STRN3: variants seen among roughly 807,000 people sequenced by gnomAD.
STRN3 encodes the protein striatin-3.
STRN3 carries 29 observed loss-of-function variants against 95.6 expected under a neutral mutation model. The ratio of observed to expected loss-of-function variants is 0.30; its 90% CI spans 0.23 to 0.41. The LOEUF is 0.41. Among genes scored for constraint, STRN3 ranks in the 10% least tolerant of loss-of-function variants. The pLI, the probability that STRN3 is intolerant of heterozygous loss-of-function variation, is 1.00. For missense variants in STRN3, 890 were observed against 972.1 expected, an observed-to-expected ratio of 0.92 and a Z score of 1.12; for synonymous variants, 331 against 357.6, an observed-to-expected ratio of 0.93 and a Z score of 0.84.
intron 9 of STRN3, 109 bp downstream of exon 9, chr14:30,918,857 A>T: frequency 8.8e-7 from 1 of 1,141,938 alleles, no homozygotes; most frequent in Non-Finnish European, 1.2e-6. Flanking sequence ...TCTAAAGATC[A>T]TATAAAATGA....
chr14:30,936,396 G>A, intron 6 of STRN3, 99 bp downstream of exon 6: 1 of 1,318,900 alleles, frequency 7.6e-7, no homozygotes, highest in Non-Finnish European at 1.0e-6. Flanking sequence ...GTAAAGTAAA[G>A]ATGATCAATC....
At chr14:30,898,763 T>G (rs1023380762) in intron 16 of STRN3, among the ~76,000 whole-genome samples, 3 of 152,214 alleles carry the variant, frequency 2.0e-5, no homozygotes, top group Non-Finnish European at 4.4e-5. Context: ...AATTTTTTCC[T>G]CTTATGACTA....
At chr14:30,923,112 C>T (rs1344875819) in intron 8 of STRN3, among the ~76,000 whole-genome samples, 3 of 152,076 alleles carry the variant, frequency 2.0e-5, no homozygotes, top group East Asian at 1.9e-4. Context: ...ATGTGCTAAA[C>T]GGAAGTAGCT....
intron 5 of STRN3, among the ~76,000 whole-genome samples, chr14:30,937,170 T>C (rs2139078920): frequency 6.6e-6 from 1 of 151,896 alleles, no homozygotes; most frequent in African/African-American, 2.4e-5. Context: ...AAAAATTACC[T>C]GGGTATGGTG....
chr14:30,905,508 T>A lies in STRN3; in HGVS notation c.1939A>T (p.Met647Leu), dbSNP rs761101058. 5.6e-6 allele frequency: 9 copies of A among 1,609,598 alleles called. No homozygotes were observed. Among genetic ancestry groups the A allele is most frequent in the Non-Finnish European group, 7.6e-6 (9 of 1,178,262 alleles). Residue 647 changes from methionine to leucine, a missense_variant, in exon 15 of 18, where the codon ATG (methionine) becomes TTG (leucine). Transcript: ENST00000357479. ...CTACCAGTGTTGAAAGAGGTTACCA[T>A]ATGAGCTGGATCACAGCCTATAAAG... The part of the protein sequence containing the change: ...VDFIGCDPAH[M>L]VTSFNTGSAV...
intron 16 of STRN3, among the ~76,000 whole-genome samples, chr14:30,897,659 TAA>T (rs540040615): frequency 1.3e-5 from 2 of 152,136 alleles, no homozygotes; most frequent in South Asian, 2.1e-4. Flanking sequence ...TTAAAAAAAT[TAA>T]AGTCAAAAAT....
chr14:31,012,037 G>A (rs1258179289), intron 1 of STRN3, among the ~76,000 whole-genome samples: 20 of 151,796 alleles, frequency 1.3e-4, no homozygotes, highest in African/African-American at 2.4e-4. Flanking sequence ...AGCCGAGATC[G>A]CGCAACTGCG....
rs1883838598 is a variant in STRN3 at position 31,025,833 on chromosome 14, A to G, written c.282+71T>C. 10 of 1,539,478 alleles carry G rather than the reference A, an allele frequency of 6.5e-6. No individual in the cohort carries two copies. In the South Asian group the frequency reaches 1.2e-4, roughly 18 times the overall value. ...CAAGGCGCCGGCTCCGGCTGAGTGG[A>G]GTCCCCAGCCCCACCCCCCGGCCGG... On this transcript the variant is annotated intron_variant, in intron 1 of 17. Transcript: ENST00000357479.
chr14:30,914,621 G>T (rs1347275730), intron 9 of STRN3, among the ~76,000 whole-genome samples: 2 of 151,982 alleles, frequency 1.3e-5, no homozygotes, highest in Admixed American at 6.6e-5. Flanking sequence ...CAAAGTGCTG[G>T]GATTACAGGC....
At chr14:31,025,584 G>C in intron 1 of STRN3, 2 of 432,782 alleles carry the variant, frequency 4.6e-6, no homozygotes, top group Non-Finnish European at 4.3e-6. Context: ...CCACAGAGAG[G>C]TGCTCGGTCC....
At chr14:30,935,059 A>T in intron 7 of STRN3, 104 bp downstream of exon 7, 2 of 1,424,984 alleles carry the variant, frequency 1.4e-6, no homozygotes, top group Non-Finnish European at 9.4e-7. Flanking sequence ...TCTCCGTTTA[A>T]CTGCCACCAT....
intron 1 of STRN3, among the ~76,000 whole-genome samples, chr14:30,999,298 C>T (rs1295904342): frequency 3.3e-5 from 5 of 152,152 alleles, no homozygotes; most frequent in Non-Finnish European, 7.3e-5. Context: ...CCTCCCACCT[C>T]GGCCTCCCGA....
intron 8 of STRN3, among the ~76,000 whole-genome samples, chr14:30,928,826 C>T (rs1167354504): frequency 2.6e-5 from 4 of 152,092 alleles, no homozygotes; most frequent in African/African-American, 9.7e-5. Context: ...GAAATGTAAC[C>T]TGGATATGAG....
At chr14:31,013,782 G>A (rs180891769) in intron 1 of STRN3, among the ~76,000 whole-genome samples, 2 of 151,026 alleles carry the variant, frequency 1.3e-5, no homozygotes, top group African/African-American at 4.9e-5. Flanking sequence ...GTAGAAACGG[G>A]GGGGGTCTCA....
chr14:30,964,974 T>G (rs892372578), intron 1 of STRN3, among the ~76,000 whole-genome samples: 1 of 152,146 alleles, frequency 6.6e-6, no homozygotes, highest in African/African-American at 2.4e-5. Context: ...TCTTGGTCTT[T>G]GTCTTGTTGC....
chr14:30,949,411 G>A lies in STRN3; in HGVS notation c.542+1452C>T, dbSNP rs149573610. Among the ~76,000 whole-genome samples the A allele has an allele frequency of 2.1e-3, 315 of 152,304 alleles. 1 individual carries two copies. Among genetic ancestry groups the A allele is most frequent in the African/African-American group, 7.0e-3 (291 of 41,568 alleles). ...GCAGATCACGACGTCAGGAGATCAA[G>A]ACCATCTTGGCCAACATGGTGAAAC... On this transcript the variant is annotated intron_variant, in intron 4 of 17. Coordinates refer to ENST00000357479, the MANE Select transcript of STRN3 (RefSeq NM_001083893.2).
intron 9 of STRN3, among the ~76,000 whole-genome samples, chr14:30,917,323 TAG>T (rs1356762160): frequency 2.6e-5 from 4 of 152,100 alleles, no homozygotes; most frequent in Admixed American, 1.3e-4. Context: ...CAAACACACA[TAG>T]AGAGTTCTAA....
At chr14:30,930,380 A>G (rs1878472888) in intron 7 of STRN3, among the ~76,000 whole-genome samples, 1 of 152,130 alleles carries the variant, frequency 6.6e-6, no homozygotes, top group Non-Finnish European at 1.5e-5. Flanking sequence ...TTAATCTATA[A>G]AGTAGACATA....
chr14:30,981,421 G>A (rs543619136), intron 1 of STRN3, among the ~76,000 whole-genome samples: 1 of 152,272 alleles, frequency 6.6e-6, no homozygotes, highest in African/African-American at 2.4e-5. Context: ...AATATTTGGG[G>A]CTAGAGGCAA....
Sources: allele counts gnomAD v4.1 joint callset (sites outside exome capture counted in the v4.1 genomes callset), GRCh38; gene constraint gnomAD v4.1.1; transcripts MANE v1.5; gene names NCBI Gene and HGNC (gene_info 2026-07-23, HGNC 2026-07-21).